The following GRID1 variants were observed in gnomAD, a reference collection of about 807,000 sequenced individuals.
The protein encoded by GRID1 is glutamate receptor ionotropic, delta-1.
A neutral mutation model predicts 98.0 loss-of-function variants in GRID1; 28 were observed. The observed-to-expected ratio is 0.29, with a 90% confidence interval of 0.21 to 0.39. The LOEUF is 0.39. Among genes scored for constraint, GRID1 ranks in the 10% least tolerant of loss-of-function variants. The pLI is 1.00. For missense variants in GRID1, 1,111 were observed against 1,340.5 expected (o/e 0.83, Z 2.67); for synonymous variants, 553 against 538.5 (o/e 1.03, Z -0.37).
At chr10:85,829,041 T>A (rs564867793) in intron 8 of GRID1, among the ~76,000 whole-genome samples, 1 of 152,068 alleles carries the variant, frequency 6.6e-6, no homozygotes, top group Non-Finnish European at 1.5e-5. Flanking sequence ...TTGATGAACA[T>A]AGATGCAAAA....
In GRID1 at chr10:85,769,517, C is replaced by T. The variant is rs149166134; in HGVS notation, c.1234-39903G>A. On this transcript the variant is annotated intron_variant, in intron 8 of 15. Transcript: ENST00000327946. Reference sequence around the variant, plus strand: ...ACACCATGTGCGAGCCGAAGCAGGGCGAGGCATTGCCTCACTCGGAAGTGC... The same window carrying T: ...ACACCATGTGCGAGCCGAAGCAGGGTGAGGCATTGCCTCACTCGGAAGTGC... 4.1e-3 allele frequency among the ~76,000 whole-genome samples: 624 copies of T among 152,248 alleles called. 3 individuals carry two copies. The highest frequency in any genetic ancestry group is 0.014 in the African/African-American group (585 of 41,530).
chr10:86,181,763 T>C (rs1845658652), intron 3 of GRID1, among the ~76,000 whole-genome samples: 1 of 152,160 alleles, frequency 6.6e-6, no homozygotes. Context: ...TCATGTTGTA[T>C]CCAGGACATT....
At chr10:85,927,922 A>G (rs1841798367) in intron 4 of GRID1, among the ~76,000 whole-genome samples, 1 of 152,268 alleles carries the variant, frequency 6.6e-6, no homozygotes, top group African/African-American at 2.4e-5. Context: ...AATGAGGACG[A>G]CAGCAGGGTA....
chr10:85,753,614 C>T (rs1842068771), intron 8 of GRID1, among the ~76,000 whole-genome samples: 1 of 152,224 alleles, frequency 6.6e-6, no homozygotes, highest in South Asian at 2.1e-4. Context: ...GTCTAAATTA[C>T]TATAACTTCA....
At chr10:85,948,762 GT>G (rs1323611087) in intron 4 of GRID1, among the ~76,000 whole-genome samples, 1 of 151,900 alleles carries the variant, frequency 6.6e-6, no homozygotes, top group Non-Finnish European at 1.5e-5. Flanking sequence ...AAAAGATCCT[GT>G]TTTTTTGACA....
intron 4 of GRID1, among the ~76,000 whole-genome samples, chr10:86,039,394 G>A (rs1843315090): frequency 1.3e-5 from 2 of 152,112 alleles, no homozygotes; most frequent in Non-Finnish European, 2.9e-5. Context: ...AGTTTTTCTA[G>A]CCCATGTTAA....
intron 8 of GRID1, among the ~76,000 whole-genome samples, chr10:85,773,114 C>G (rs371545941): frequency 7.2e-4 from 110 of 152,220 alleles, no homozygotes; most frequent in African/African-American, 2.4e-3. Flanking sequence ...ACATCAAAAA[C>G]CTTATCCACC....
chr10:85,929,355 C>G (rs777859548), intron 4 of GRID1, among the ~76,000 whole-genome samples: 3 of 152,162 alleles, frequency 2.0e-5, no homozygotes, highest in Non-Finnish European at 4.4e-5. Flanking sequence ...TCCAGACTGA[C>G]CCAGGGTAAC....
At chr10:86,027,001 G>C (rs1472515124) in intron 4 of GRID1, among the ~76,000 whole-genome samples, 2 of 152,210 alleles carry the variant, frequency 1.3e-5, no homozygotes, top group East Asian at 3.8e-4. Flanking sequence ...TCACAGTGGG[G>C]CCATGGGAGG....
In GRID1 at chr10:85,731,876, A is replaced by G. The variant is rs1242247907; in HGVS notation, c.1234-2262T>C. Among the ~76,000 whole-genome samples, 6 of 146,078 alleles carry G rather than the reference A, an allele frequency of 4.1e-5. No homozygotes were observed. In the East Asian group the frequency reaches 1.2e-3, roughly 29 times the overall value. The stretch of plus-strand genomic sequence containing the variant: ...GGAAGAAAGGGAGGGAGGAAGGGAT[A>G]AAGAAAGGGAGGTAGGGAGGGAGGG... On this transcript the variant is annotated intron_variant, in intron 8 of 15. Transcript: ENST00000327946.
At chr10:86,305,101 G>C (rs563619696) in intron 2 of GRID1, among the ~76,000 whole-genome samples, 1 of 147,260 alleles carries the variant, frequency 6.8e-6, no homozygotes, top group Non-Finnish European at 1.5e-5. Context: ...CAGCTGAAGG[G>C]CTTAAGGAAA....
At chr10:86,108,820 C>T (rs1308976970) in intron 4 of GRID1, among the ~76,000 whole-genome samples, 1 of 152,218 alleles carries the variant, frequency 6.6e-6, no homozygotes, top group Non-Finnish European at 1.5e-5. Flanking sequence ...TAAGGGCACA[C>T]CAATGCCTGT....
At chr10:86,149,379 GA>G (rs1303089088) in intron 3 of GRID1, among the ~76,000 whole-genome samples, 3 of 152,210 alleles carry the variant, frequency 2.0e-5, no homozygotes, top group African/African-American at 7.2e-5. Context: ...GGGTGGTCTG[GA>G]TGACTCCGTA....
At chr10:86,201,358 C>G (rs1349079479) in intron 3 of GRID1, among the ~76,000 whole-genome samples, 1 of 152,174 alleles carries the variant, frequency 6.6e-6, no homozygotes, top group Non-Finnish European at 1.5e-5. Context: ...ACCATGGGTC[C>G]CATACTTGTA....
At chr10:86,198,065 G>A (rs571933266) in intron 3 of GRID1, among the ~76,000 whole-genome samples, 16 of 152,206 alleles carry the variant, frequency 1.1e-4, no homozygotes, top group African/African-American at 2.9e-4. Context: ...GCCAGGGGCC[G>A]CAAAGGAGAC....
intron 5 of GRID1, among the ~76,000 whole-genome samples, chr10:85,874,329 T>G (rs767338052): frequency 4.6e-5 from 7 of 152,226 alleles, no homozygotes; most frequent in Non-Finnish European, 5.9e-5. Flanking sequence ...TAATCATATG[T>G]GGTAAGGGAG....
At chr10:85,784,526 C>A (rs1057429128) in intron 8 of GRID1, among the ~76,000 whole-genome samples, 4 of 152,222 alleles carry the variant, frequency 2.6e-5, no homozygotes, top group Admixed American at 1.3e-4. Flanking sequence ...GAATGATGGC[C>A]GTGCATCTCC....
At chr10:85,706,035 C>T (rs952369569) in intron 12 of GRID1, among the ~76,000 whole-genome samples, 2 of 152,104 alleles carry the variant, frequency 1.3e-5, no homozygotes, top group Admixed American at 6.5e-5. Flanking sequence ...GGAAGCATTC[C>T]CTTTGAAAAC....
At chr10:85,901,333 G>A (rs192857563) in intron 5 of GRID1, among the ~76,000 whole-genome samples, 34 of 152,024 alleles carry the variant, frequency 2.2e-4, no homozygotes, top group Non-Finnish European at 3.4e-4. Context: ...GCCAAGCTCT[G>A]CCTCATGGGT....
Sources: allele counts gnomAD v4.1 joint callset (sites outside exome capture counted in the v4.1 genomes callset), GRCh38; gene constraint gnomAD v4.1.1; transcripts MANE v1.5; gene names NCBI Gene and HGNC (gene_info 2026-07-23, HGNC 2026-07-21).